The following RASA2 variants were observed in gnomAD, a reference collection of about 807,000 sequenced individuals.
The protein encoded by RASA2 is ras GTPase-activating protein 2.
A neutral mutation model predicts 118.2 loss-of-function variants in RASA2; 155 were observed. The ratio of observed to expected loss-of-function variants is 1.31; its 90% CI spans 1.15 to 1.50. The LOEUF (loss-of-function observed/expected upper bound fraction) is 1.50, where lower values mean the gene tolerates loss of function less well. Ranked by LOEUF, RASA2 falls within the 40% of genes most tolerant of loss-of-function variation. RASA2 has a pLI of 0.00. For synonymous variants in RASA2, 353 were observed against 349.1 expected, an observed-to-expected ratio of 1.01 and a Z score of -0.12; for missense variants, 1,016 against 1,009.6, an observed-to-expected ratio of 1.01 and a Z score of -0.09.
chr3:141,587,884 TA>T (rs10715217), intron 19 of RASA2, among the ~76,000 whole-genome samples: 149,999 of 152,212 alleles, frequency 0.99, 73,913 homozygotes, highest in Middle Eastern at 1. Flanking sequence ...AAAGGTTGGT[TA>T]AAAGTGAGAA....
intron 1 of RASA2, among the ~76,000 whole-genome samples, chr3:141,503,761 T>C (rs919731190): frequency 6.6e-6 from 1 of 152,210 alleles, no homozygotes; most frequent in Non-Finnish European, 1.5e-5. Context: ...TCTGTTTTGC[T>C]CACTGTCATA....
chr3:141,552,965 G>A (rs1560026967), intron 5 of RASA2, among the ~76,000 whole-genome samples: 1 of 152,264 alleles, frequency 6.6e-6, no homozygotes, highest in South Asian at 2.1e-4. Flanking sequence ...TGAGAAAATT[G>A]GAGGAACAAA....
chr3:141,490,706 G>A (rs889380100), intron 1 of RASA2, among the ~76,000 whole-genome samples: 6 of 152,314 alleles, frequency 3.9e-5, no homozygotes, highest in East Asian at 1.9e-4. Flanking sequence ...GAGTAGGGAA[G>A]ATCTATAGGG....
At chr3:141,549,815 T>G (rs902610606) in intron 5 of RASA2, among the ~76,000 whole-genome samples, 3 of 152,140 alleles carry the variant, frequency 2.0e-5, no homozygotes, top group African/African-American at 7.2e-5. Flanking sequence ...CTGGAGCATC[T>G]TGGGGTCTCA....
chr3:141,598,358 T>A (rs1368076080), intron 19 of RASA2, among the ~76,000 whole-genome samples: 2 of 152,166 alleles, frequency 1.3e-5, no homozygotes, highest in Non-Finnish European at 2.9e-5. Flanking sequence ...TCAACATAAT[T>A]TATCTTATTA....
intron 21 of RASA2, among the ~76,000 whole-genome samples, 188 bp downstream of exon 21, chr3:141,608,885 T>C (rs1344482662): frequency 6.6e-6 from 1 of 152,212 alleles, no homozygotes; most frequent in Non-Finnish European, 1.5e-5. Context: ...AACATTGATA[T>C]AAAGTGTCTA....
At chr3:141,579,357 TAAAAAA>T in intron 15 of RASA2, 1 of 152,282 alleles carries the variant, frequency 6.6e-6, no homozygotes, top group East Asian at 1.9e-4. Flanking sequence ...TCTCAATTTT[TAAAAAA>T]ATGAAGGAGC....
intron 14 of RASA2, among the ~76,000 whole-genome samples, chr3:141,575,354 C>G (rs1418482690): frequency 1.3e-5 from 2 of 152,120 alleles, no homozygotes; most frequent in African/African-American, 4.8e-5. Context: ...ATTATAGTTG[C>G]AAATAAGTAA....
intron 1 of RASA2, among the ~76,000 whole-genome samples, chr3:141,499,139 T>C (rs893388131): frequency 1.3e-5 from 2 of 152,208 alleles, no homozygotes; most frequent in African/African-American, 2.4e-5. Flanking sequence ...GTGATTAATA[T>C]GATAGCAGTG....
chr3:141,552,140 TC>T (rs2082584282), intron 5 of RASA2, among the ~76,000 whole-genome samples: 1 of 152,218 alleles, frequency 6.6e-6, no homozygotes, highest in African/African-American at 2.4e-5. Context: ...TTTATGGGCA[TC>T]CGTGTTTTGG....
chr3:141,539,877 A>G (rs2082382561), intron 4 of RASA2, among the ~76,000 whole-genome samples: 1 of 152,052 alleles, frequency 6.6e-6, no homozygotes, highest in African/African-American at 2.4e-5. Context: ...GTACTCCTTT[A>G]TTTTCAGTGT....
At chr3:141,583,540 C>T (rs1043411742) in intron 17 of RASA2, among the ~76,000 whole-genome samples, 2 of 152,136 alleles carry the variant, frequency 1.3e-5, no homozygotes, top group Non-Finnish European at 2.9e-5. Flanking sequence ...AGTGCATGGT[C>T]CATCTGGGAG....
intron 9 of RASA2, among the ~76,000 whole-genome samples, chr3:141,569,910 T>A (rs1455745751): frequency 2.0e-5 from 3 of 152,136 alleles, no homozygotes; most frequent in African/African-American, 7.2e-5. Context: ...CTGCATTAAT[T>A]CGCATAGGGT....
At position 141,529,787 on chromosome 3, in the gene RASA2, C is replaced by T; in HGVS notation, c.435C>T (p.Ser145=). 1 of 1,605,798 alleles carries T rather than the reference C, an allele frequency of 6.2e-7. No homozygotes were observed. ...GGTTTTCATTACAGCCTGTTGACTC[C>T]AATTCAGAGGTTCAGGTAAATATTA... The part of the protein sequence containing the change: ...ETWFSLQPVD[S]NSEVQGKVHL... The change falls in exon 4 of 24, where the codon TCC becomes TCT. Residue 145 remains serine, a synonymous_variant. Transcript: ENST00000286364.
intron 7 of RASA2, among the ~76,000 whole-genome samples, chr3:141,557,608 T>C (rs888480880): frequency 4.6e-5 from 7 of 152,134 alleles, no homozygotes; most frequent in African/African-American, 1.4e-4. Context: ...CTATAAGTTA[T>C]GAGTAAAACA....
At chr3:141,559,027 C>A in intron 8 of RASA2, 65 bp downstream of exon 8, 3 of 1,373,032 alleles carry the variant, frequency 2.2e-6, no homozygotes, top group Admixed American at 2.1e-5. Context: ...TAGATTCAAC[C>A]AAAAAAAGTA....
intron 15 of RASA2, among the ~76,000 whole-genome samples, chr3:141,577,841 T>C (rs954084311): frequency 6.6e-6 from 1 of 152,198 alleles, no homozygotes; most frequent in African/African-American, 2.4e-5. Flanking sequence ...AACTTTGTTC[T>C]GGAGTCCTGT....
At chr3:141,578,068 T>G (rs897391303) in intron 15 of RASA2, among the ~76,000 whole-genome samples, 1 of 152,230 alleles carries the variant, frequency 6.6e-6, no homozygotes, top group Non-Finnish European at 1.5e-5. Context: ...CACATTTATT[T>G]AGTGCTTTGT....
At chr3:141,516,869 G>A (rs2082035350) in intron 3 of RASA2, among the ~76,000 whole-genome samples, 1 of 151,830 alleles carries the variant, frequency 6.6e-6, no homozygotes, top group East Asian at 1.9e-4. Flanking sequence ...TACTTCCCAG[G>A]TTAAGCGATT....
Sources: gnomAD v4.1 joint callset for allele counts (sites outside exome capture counted in the v4.1 genomes callset) on GRCh38, gnomAD v4.1.1 for gene constraint, MANE v1.5 for transcripts, NCBI Gene and HGNC (gene_info 2026-07-23, HGNC 2026-07-21) for gene names.